CFAP70: variants seen among roughly 807,000 people sequenced by gnomAD.
The protein encoded by CFAP70 is cilia and flagella associated protein 70, also known as cilia- and flagella-associated protein 70.
In CFAP70, 81 loss-of-function variants were observed where a neutral mutation model predicts 137.6. The ratio of observed to expected loss-of-function variants is 0.59; its 90% confidence interval spans 0.49 to 0.71. The LOEUF is 0.71. Among genes scored for constraint, CFAP70 ranks in the 30% least tolerant of loss-of-function variants. The pLI, the probability that CFAP70 is intolerant of heterozygous loss-of-function variation, is 0.00. For missense variants in CFAP70, 976 were observed against 1,226.7 expected, an observed-to-expected ratio of 0.80 and a Z score of 3.05; for synonymous variants, 382 against 423.6, an observed-to-expected ratio of 0.90 and a Z score of 1.20.
In CFAP70 at chr10:73,275,393, C is replaced by T; in HGVS notation, c.2673+53G>A. 6.5e-7 allele frequency: 1 copy of T among 1,528,870 alleles called. No homozygotes were observed. Among genetic ancestry groups the T allele is most frequent in the Non-Finnish European group, 8.8e-7 (1 of 1,142,206 alleles). The allele number at this position is 1,528,870 out of a possible 1,614,324, so 94.7% of individuals were successfully genotyped here. A position where few individuals can be genotyped will look rare whatever the true frequency, so the allele number is the denominator to read the frequency against. On this transcript the variant is annotated intron_variant, in intron 22 of 26. Transcript: ENST00000310715. The surrounding 1 kb of genome is among the most constrained non-coding windows in gnomAD (Gnocchi z 4.0). ...TCTACGTGTGATATGGCATCACCACCTTTAAATAAAGCCCCTTCTCCAGAC... is the reference window on the plus strand; with the variant it reads ...TCTACGTGTGATATGGCATCACCACTTTTAAATAAAGCCCCTTCTCCAGAC...
chr10:73,357,055 G>C (rs1012310534), intron 1 of CFAP70, among the ~76,000 whole-genome samples: 4 of 152,186 alleles, frequency 2.6e-5, no homozygotes, highest in African/African-American at 9.7e-5. Flanking sequence ...TGCTCTGACA[G>C]AGGAAAGAAG....
At chr10:73,318,251 C>T (rs968886998) in intron 9 of CFAP70, among the ~76,000 whole-genome samples, 3 of 152,044 alleles carry the variant, frequency 2.0e-5, no homozygotes, top group Non-Finnish European at 2.9e-5. Context: ...GACTTTTTGT[C>T]CATTTGTCCA....
At chr10:73,256,340 G>A (rs750991850) in intron 26 of CFAP70, 29 bp downstream of exon 27, 1 of 1,613,620 alleles carries the variant, frequency 6.2e-7, no homozygotes, top group South Asian at 1.1e-5. Context: ...ACATGGGGCA[G>A]GCAAATGACA....
upstream of CFAP70, among the ~76,000 whole-genome samples, chr10:73,360,401 TG>T (rs1438049415): frequency 6.6e-6 from 1 of 152,156 alleles, no homozygotes; most frequent in East Asian, 1.9e-4. Flanking sequence ...CAGTGAGCAA[TG>T]GAACAAGTGC....
chr10:73,360,709 A>G (rs1187176164), upstream of CFAP70, among the ~76,000 whole-genome samples: 1 of 152,218 alleles, frequency 6.6e-6, no homozygotes, highest in East Asian at 1.9e-4. Flanking sequence ...ACTACTGAGT[A>G]AGGATTTCTC....
intron 12 of CFAP70, among the ~76,000 whole-genome samples, chr10:73,305,632 C>CT (rs2049313129): frequency 6.6e-6 from 1 of 152,184 alleles, no homozygotes; most frequent in South Asian, 2.1e-4. Context: ...TAGATCCTGG[C>CT]ATTCAAGGAA....
intron 19 of CFAP70, among the ~76,000 whole-genome samples, chr10:73,284,463 C>T (rs1217425013): frequency 1.3e-5 from 2 of 151,956 alleles, no homozygotes; most frequent in African/African-American, 2.4e-5. Context: ...AGGACATGAA[C>T]ATCTTTGGAG....
At chr10:73,347,610 A>G (rs1053942735) in intron 4 of CFAP70, among the ~76,000 whole-genome samples, 2 of 152,128 alleles carry the variant, frequency 1.3e-5, no homozygotes, top group African/African-American at 4.8e-5. Context: ...AGATAAAAGG[A>G]AGAATAGGTT....
chr10:73,357,323 C>T (rs1378523147), intron 1 of CFAP70, among the ~76,000 whole-genome samples: 3 of 152,116 alleles, frequency 2.0e-5, no homozygotes, highest in East Asian at 1.9e-4. Context: ...GAAGCTGGGA[C>T]CTAGCTGGAT....
chr10:73,298,827 G>A, intron 14 of CFAP70, 80 bp downstream of exon 15: 1 of 1,293,812 alleles, frequency 7.7e-7, no homozygotes, highest in Non-Finnish European at 1.1e-6. Context: ...AACATAATCA[G>A]AGGAGAAAAT....
chr10:73,300,650 C>T (rs772860411), intron 12 of CFAP70, among the ~76,000 whole-genome samples: 2 of 151,982 alleles, frequency 1.3e-5, no homozygotes, highest in African/African-American at 2.4e-5. Context: ...ATTGCCTGAG[C>T]TTAGGAGTTC....
At chr10:73,357,869 G>A (rs1047203226) in intron 1 of CFAP70, among the ~76,000 whole-genome samples, 3 of 152,114 alleles carry the variant, frequency 2.0e-5, no homozygotes, top group Non-Finnish European at 4.4e-5. Flanking sequence ...CTTCCCAGTC[G>A]GAAAAACTTG....
At chr10:73,327,611 C>G (rs1303197570) in intron 8 of CFAP70, among the ~76,000 whole-genome samples, 1 of 151,916 alleles carries the variant, frequency 6.6e-6, no homozygotes, top group Admixed American at 6.6e-5. Flanking sequence ...CCCAAAATCT[C>G]CTTAAGCTGA....
chr10:73,333,103 T>G (rs922848359), intron 7 of CFAP70, among the ~76,000 whole-genome samples: 4 of 152,072 alleles, frequency 2.6e-5, no homozygotes, highest in Non-Finnish European at 4.4e-5. Context: ...ATGCTAGATA[T>G]CAAAAACACA....
exon 27 of CFAP70, chr10:73,253,917 C>CT (rs1157223484): frequency 2.1e-5 from 29 of 1,408,474 alleles, no homozygotes; most frequent in Middle Eastern, 3.7e-4. Context: ...CGGTAAAACT[C>CT]TCTGGGAAGG....
intron 26 of CFAP70, among the ~76,000 whole-genome samples, chr10:73,255,800 C>T (rs953577289): frequency 6.6e-6 from 1 of 152,074 alleles, no homozygotes; most frequent in African/African-American, 2.4e-5. Context: ...CCACCTCAGC[C>T]TCCCAAAGTG....
At chr10:73,316,074 A>G (rs756784890) in intron 9 of CFAP70, among the ~76,000 whole-genome samples, 2 of 152,106 alleles carry the variant, frequency 1.3e-5, no homozygotes, top group Non-Finnish European at 2.9e-5. Context: ...GTGACAGGCC[A>G]TTCTGTCTTC....
rs1414460513 is a variant in CFAP70, at chr10:73,275,480, T to C, written c.2639A>G (p.Glu880Gly). Residue 880 changes from glutamate to glycine, a missense_variant, in exon 22 of 27, where the codon GAA (glutamate) becomes GGA (glycine). Coordinates refer to ENST00000310715, the Ensembl canonical transcript of CFAP70. The surrounding 1 kb of genome is among the most constrained non-coding windows in gnomAD (Gnocchi z 4.0). ...CATCTGGGCTGCTTGTTGAAGGTAT[T>C]CCTCTGCCTTGGCAAAGTTCTTCTT... 1 of 1,610,224 alleles carries C rather than the reference T, an allele frequency of 6.2e-7. No individual in the cohort carries two copies. Among genetic ancestry groups the C allele is most frequent in the Non-Finnish European group, 8.5e-7 (1 of 1,178,782 alleles).
chr10:73,323,120 T>G (rs746292871), intron 8 of CFAP70, 23 bp from the exon 10 acceptor site: 25 of 1,594,602 alleles, frequency 1.6e-5, no homozygotes, highest in Non-Finnish European at 2.0e-5. Flanking sequence ...AACCAGAGAG[T>G]TGTTAGTGCT....
Sources: allele counts gnomAD v4.1 joint callset (sites outside exome capture counted in the v4.1 genomes callset), GRCh38; gene constraint gnomAD v4.1.1; non-coding constraint Gnocchi (gnomAD v3.1); transcripts MANE v1.5; gene names NCBI Gene and HGNC (gene_info 2026-07-23, HGNC 2026-07-21).